ATG4B: variants seen among roughly 807,000 people sequenced by gnomAD.
ATG4B encodes the protein cysteine protease ATG4B.
In ATG4B, 29 loss-of-function variants were observed where a neutral mutation model predicts 56.6. The observed-to-expected ratio is 0.51, with a 90% confidence interval of 0.38 to 0.70. ATG4B has a LOEUF of 0.70. Ranked by LOEUF, ATG4B falls within the 30% of genes least tolerant of loss-of-function variation. The pLI, the probability that ATG4B is intolerant of heterozygous loss-of-function variation, is 0.00. For missense variants in ATG4B, 461 were observed against 515.5 expected, an observed-to-expected ratio of 0.89 and a Z score of 1.02; for synonymous variants, 224 against 206.1, an observed-to-expected ratio of 1.09 and a Z score of -0.74.
At chr2:241,640,623 G>A (rs1449698243) in intron 1 of ATG4B, among the ~76,000 whole-genome samples, 1 of 152,210 alleles carries the variant, frequency 6.6e-6, no homozygotes, top group Non-Finnish European at 1.5e-5. Flanking sequence ...AGCGAAGTGC[G>A]TGGCTCCTGG....
At chr2:241,662,761 C>T (rs4614965) in intron 7 of ATG4B, among the ~76,000 whole-genome samples, 95,543 of 149,044 alleles carry the variant, frequency 0.64, 30,802 homozygotes, top group African/African-American at 0.76. Flanking sequence ...TGGTGGCTCA[C>T]GCCTATAATC....
At position 241,655,330 on chromosome 2, in the gene ATG4B, G is replaced by A. The variant is rs571586050; in HGVS notation, c.445G>A (p.Ala149Thr). Reference protein sequence around the residue: ...IGQWYGPNTVAQVLKKLAVFD... With the variant: ...IGQWYGPNTVTQVLKKLAVFD... ...CCAGTGGTACGGGCCCAACACTGTC[G>A]CCCAGGTCCTGAAGTATGTACTGCG... The change falls in exon 6 of 13, where the codon GCC becomes ACC. Residue 149 changes from alanine to threonine, a missense_variant. Coordinates refer to ENST00000404914, the MANE Select transcript of ATG4B (RefSeq NM_013325.5). 4.3e-6 allele frequency: 7 copies of A among 1,609,968 alleles called. No individual in the cohort carries two copies. Among genetic ancestry groups the A allele is most frequent in the Admixed American group, 1.7e-5 (1 of 59,496 alleles).
chr2:241,669,535 TCTCA>T (rs2068890985), intron 10 of ATG4B, among the ~76,000 whole-genome samples: 1 of 152,024 alleles, frequency 6.6e-6, no homozygotes, highest in Non-Finnish European at 1.5e-5. Flanking sequence ...TGAGACGGAG[TCTCA>T]CTCTGTCGCC....
chr2:241,637,779 G>A (rs1433743774), intron 1 of ATG4B, 55 bp downstream of exon 1: 2 of 1,536,956 alleles, frequency 1.3e-6, no homozygotes, highest in Non-Finnish European at 1.7e-6. Context: ...CTTATCATTG[G>A]CCTCCCCTGC....
intron 1 of ATG4B, among the ~76,000 whole-genome samples, chr2:241,638,996 T>C (rs1304095242): frequency 6.6e-6 from 1 of 152,202 alleles, no homozygotes; most frequent in East Asian, 1.9e-4. Context: ...TGCCCAGGCC[T>C]TGCTTGGGTC....
rs565118415 is a variant in ATG4B at position 241,654,009 on chromosome 2, A to G, written c.283+399A>G. Reference sequence around the variant, plus strand: ...CTATCTGAAAAAAAAAAAAAAAAAAAAAGAAGAAGAAGAATGCTAATAAAT... The same window carrying G: ...CTATCTGAAAAAAAAAAAAAAAAAAGAAGAAGAAGAAGAATGCTAATAAAT... On this transcript the variant is annotated intron_variant, in intron 4 of 12. Coordinates refer to ENST00000404914, the MANE Select transcript of ATG4B (RefSeq NM_013325.5). Among the ~76,000 whole-genome samples the G allele has an allele frequency of 4.2e-3, 619 of 148,200 alleles. 1 individual carries two copies. Among genetic ancestry groups the G allele is most frequent in the African/African-American group, 0.014 (551 of 39,696 alleles).
intron 10 of ATG4B, among the ~76,000 whole-genome samples, chr2:241,669,432 C>G (rs1461697369): frequency 1.3e-5 from 2 of 152,216 alleles, no homozygotes; most frequent in African/African-American, 4.8e-5. Flanking sequence ...AGAGTGCACA[C>G]CACGCTCCAT....
At chr2:241,671,277 TG>T in intron 11 of ATG4B, 34 bp from the exon 12 acceptor site, 1 of 1,575,232 alleles carries the variant, frequency 6.3e-7, no homozygotes, top group Non-Finnish European at 8.7e-7. Flanking sequence ...AGCACTGGGG[TG>T]AGGCTGCACC....
Position 241,666,750 on chromosome 2 carries a change from G to A in ATG4B, c.644G>A (p.Arg215Lys). The A allele has an allele frequency of 6.2e-7, 1 of 1,607,524 alleles. No homozygotes were observed. Among genetic ancestry groups the A allele is most frequent in the Non-Finnish European group, 8.5e-7 (1 of 1,176,952 alleles). Residue 215 changes from arginine (R) to lysine (K), a missense_variant, in exon 8 of 13, where the codon AGG (arginine) becomes AAG (lysine). Physicochemically the swap from Arg to Lys is conservative, Grantham distance 26. Transcript: ENST00000404914. The stretch of plus-strand genomic sequence containing the variant: ...CCTGCCGGAGCTGAGGTCACCAACA[G>A]GCCGTCGCCATGGAGACCCCTGGTA... The part of the protein sequence containing the change: ...GFPAGAEVTN[R>K]PSPWRPLVLL...
chr2:241,663,573 A>G (rs1186157819), intron 7 of ATG4B, among the ~76,000 whole-genome samples: 1 of 152,260 alleles, frequency 6.6e-6, no homozygotes, highest in Non-Finnish European at 1.5e-5. Context: ...GTTCTTTACA[A>G]AGTGAAAATT....
At chr2:241,659,453 C>G (rs560706399) in intron 7 of ATG4B, 1 of 524,790 alleles carries the variant, frequency 1.9e-6, no homozygotes, top group Non-Finnish European at 3.8e-6. Flanking sequence ...GGTTACAAAT[C>G]GTTTATGAAG....
chr2:241,641,378 G>A (rs1453231628), intron 1 of ATG4B, among the ~76,000 whole-genome samples: 2 of 152,082 alleles, frequency 1.3e-5, no homozygotes, highest in African/African-American at 4.8e-5. Context: ...GTGAAACCCC[G>A]TCGCTACTAA....
At chr2:241,653,789 A>G (rs2068295736) in intron 4 of ATG4B, among the ~76,000 whole-genome samples, 179 bp downstream of exon 4, 1 of 152,150 alleles carries the variant, frequency 6.6e-6, no homozygotes, top group South Asian at 2.1e-4. Flanking sequence ...AAAGAATGCT[A>G]ATAAATCCGC....
At chr2:241,647,883 G>A (rs940658962) in intron 1 of ATG4B, among the ~76,000 whole-genome samples, 13 of 151,856 alleles carry the variant, frequency 8.6e-5, no homozygotes, top group Admixed American at 7.2e-4. Flanking sequence ...GGAGGCCGAG[G>A]TGGGTGGATC....
intron 7 of ATG4B, among the ~76,000 whole-genome samples, chr2:241,662,507 G>A (rs546135560): frequency 5.3e-5 from 8 of 152,322 alleles, no homozygotes; most frequent in Admixed American, 2.0e-4. Flanking sequence ...GCAAAAGCCC[G>A]TTGCACCCTG....
At chr2:241,664,816 T>A (rs1250714714) in intron 7 of ATG4B, among the ~76,000 whole-genome samples, 1 of 151,808 alleles carries the variant, frequency 6.6e-6, no homozygotes, top group African/African-American at 2.4e-5. Flanking sequence ...ATACAAAAAT[T>A]AGCTGGGCGT....
intron 1 of ATG4B, among the ~76,000 whole-genome samples, chr2:241,638,614 T>G (rs920840443): frequency 1.3e-5 from 2 of 152,230 alleles, no homozygotes; most frequent in African/African-American, 2.4e-5. Flanking sequence ...TCATTCTGAA[T>G]GGGATTGTTT....
intron 1 of ATG4B, among the ~76,000 whole-genome samples, chr2:241,638,667 G>T (rs1209055750): frequency 4.6e-5 from 7 of 152,128 alleles, no homozygotes. Context: ...AATTTATTAA[G>T]ATCTGAGTTG....
intron 1 of ATG4B, among the ~76,000 whole-genome samples, chr2:241,650,357 AC>A (rs2068192428): frequency 1.3e-5 from 2 of 151,964 alleles, no homozygotes; most frequent in Non-Finnish European, 2.9e-5. Flanking sequence ...TGAGAGTAGC[AC>A]CCCATGCTTC....
Sources: gnomAD v4.1 joint callset for allele counts (sites outside exome capture counted in the v4.1 genomes callset) on GRCh38, gnomAD v4.1.1 for gene constraint, MANE v1.5 for transcripts, NCBI Gene and HGNC (gene_info 2026-07-23, HGNC 2026-07-21) for gene names.